Variants in ELAPOR1 observed in about 807,000 individuals in gnomAD.
ELAPOR1 encodes endosome/lysosome-associated apoptosis and autophagy regulator 1.
Under a neutral mutation model 119.7 loss-of-function variants are expected in ELAPOR1, and 77 were observed. The ratio of observed to expected loss-of-function variants is 0.64; its 90% CI spans 0.54 to 0.78. The LOEUF is 0.78. Among genes scored for constraint, ELAPOR1 ranks in the 30% least tolerant of loss-of-function variants. The pLI is 0.00. For missense variants in ELAPOR1, 1,115 were observed against 1,270.4 expected (o/e 0.88, Z 1.86); for synonymous variants, 481 against 487.2 (o/e 0.99, Z 0.17).
intron 1 of ELAPOR1, 26 bp from the exon 2 acceptor site, chr1:109,161,868 T>C: frequency 6.3e-7 from 1 of 1,592,624 alleles, no homozygotes; most frequent in Non-Finnish European, 8.6e-7. Flanking sequence ...TAATGCACAT[T>C]TCGCCCACTG....
chr1:109,175,285 C>A (rs532606157), intron 7 of ELAPOR1, among the ~76,000 whole-genome samples: 1 of 151,776 alleles, frequency 6.6e-6, no homozygotes, highest in African/African-American at 2.4e-5. Flanking sequence ...TCACCACAAC[C>A]TCTGCCTCCC....
At chr1:109,183,408 AT>A (rs557758142) in intron 7 of ELAPOR1, among the ~76,000 whole-genome samples, 4 of 152,196 alleles carry the variant, frequency 2.6e-5, no homozygotes, top group South Asian at 2.1e-4. Flanking sequence ...AATGAAAAAA[AT>A]AAAATTAAAA....
At position 109,171,855 on chromosome 1, in the gene ELAPOR1, T is replaced by A. The variant is rs776009425; in HGVS notation, c.468-11T>A. 3 of 1,614,066 alleles carry A rather than the reference T, an allele frequency of 1.9e-6. No individual in the cohort carries two copies. Among genetic ancestry groups the A allele is most frequent in the Non-Finnish European group, 2.5e-6 (3 of 1,179,956 alleles). ...CTCCTGCCTGTGAACCTGGTTCCTG[T>A]TCCTTCACAGGTCCAAGTGGGTTCC... On this transcript the variant is annotated splice_polypyrimidine_tract_variant and intron_variant, in intron 3 of 21. Coordinates refer to ENST00000369939, the MANE Select transcript of ELAPOR1 (RefSeq NM_020775.5).
At chr1:109,163,815 T>C (rs1010937248) in intron 2 of ELAPOR1, among the ~76,000 whole-genome samples, 2 of 152,128 alleles carry the variant, frequency 1.3e-5, no homozygotes, top group Non-Finnish European at 2.9e-5. Context: ...CCACCTAGCA[T>C]GGTGGCAGTA....
intron 1 of ELAPOR1, among the ~76,000 whole-genome samples, chr1:109,136,342 T>C (rs972485269): frequency 1.3e-5 from 2 of 152,196 alleles, no homozygotes; most frequent in African/African-American, 2.4e-5. Context: ...GTTGGAGTTA[T>C]GCTGCCACAA....
intron 7 of ELAPOR1, among the ~76,000 whole-genome samples, chr1:109,177,426 A>G (rs1446923105): frequency 2.4e-5 from 3 of 126,550 alleles, no homozygotes; most frequent in East Asian, 5.0e-4. Flanking sequence ...ACGGGGCGGC[A>G]GGGCAGAGGT....
chr1:109,127,796 TCAGGTCATCCTCC>T (rs755915653), intron 1 of ELAPOR1, among the ~76,000 whole-genome samples: 7 of 151,732 alleles, frequency 4.6e-5, no homozygotes, highest in Non-Finnish European at 8.8e-5. Flanking sequence ...ACTCCTGGGC[TCAGGTCATCCTCC>T]CACCTTGGCC....
Position 109,197,516 on chromosome 1 carries a change from C to T in ELAPOR1, c.2164C>T (p.Arg722Trp), listed in dbSNP as rs143231441. The T allele has an allele frequency of 3.3e-4, 533 of 1,614,130 alleles. No homozygotes were observed. The African/African-American group carries it at 6.3e-3, about 19-fold the overall frequency. ...SVCTDNVTDL[R>W]IPEGESGFSK... is the part of the protein sequence containing the mutation. Reference sequence around the variant, plus strand: ...GTGCACCGACAATGTCACTGACCTCCGGATTCCTGAGGGTGAGTCAGGGTT... The same window carrying T: ...GTGCACCGACAATGTCACTGACCTCTGGATTCCTGAGGGTGAGTCAGGGTT... Residue 722 changes from arginine (R) to tryptophan (W), a missense_variant, in exon 16 of 22, where the codon CGG becomes TGG. Coordinates refer to ENST00000369939, the MANE Select transcript of ELAPOR1 (RefSeq NM_020775.5).
At position 109,137,882 on chromosome 1, in the gene ELAPOR1, T is replaced by C. The variant is rs1180781720; in HGVS notation, c.153+23546T>C. Among the ~76,000 whole-genome samples the C allele has an allele frequency of 2.6e-5, 4 of 152,214 alleles. No homozygotes were observed. The East Asian group carries it at 5.8e-4, about 22-fold the overall frequency. On this transcript the variant is annotated intron_variant, in intron 1 of 21. Coordinates refer to ENST00000369939, the MANE Select transcript of ELAPOR1 (RefSeq NM_020775.5). ...CACATAGTAATCAATCCAAAAAGTA[T>C]AAAGGGACACAAGAAAGATCTTCAT...
At position 109,203,272 on chromosome 1, in the gene ELAPOR1, G is replaced by A. The variant is rs547871188; in HGVS notation, c.*260G>A. On this transcript the variant is annotated 3_prime_UTR_variant, in exon 22 of 22. Transcript: ENST00000369939. ...TCTTGTTTCCCAAAATGGCCCATCC[G>A]CCAGAGCCATAGCTTCGTCTGCTCA... 6.4e-6 allele frequency: 3 copies of A among 470,922 alleles called. No homozygotes were observed. Among genetic ancestry groups the A allele is most frequent in the Non-Finnish European group, 1.1e-5 (3 of 264,486 alleles). 29.2% of individuals were successfully genotyped at this position (470,922 alleles called of 1,614,324 possible).
intron 5 of ELAPOR1, 79 bp from the exon 6 acceptor site, chr1:109,173,395 A>G: frequency 8.5e-7 from 1 of 1,173,084 alleles, no homozygotes; most frequent in Non-Finnish European, 1.3e-6. Context: ...AAGAGAAGTC[A>G]TCCCAACAAG....
At chr1:109,165,542 C>T (rs538614479) in intron 3 of ELAPOR1, among the ~76,000 whole-genome samples, 42 of 150,390 alleles carry the variant, frequency 2.8e-4, no homozygotes, top group Non-Finnish European at 5.2e-4. Flanking sequence ...TGAGATCGCA[C>T]CATTGCACTC....
chr1:109,196,083 G>A (rs1157749755), intron 15 of ELAPOR1, among the ~76,000 whole-genome samples: 1 of 152,024 alleles, frequency 6.6e-6, no homozygotes, highest in Non-Finnish European at 1.5e-5. Context: ...TTGAACCCAG[G>A]GGGCGGAGAT....
intron 16 of ELAPOR1, 97 bp downstream of exon 16, chr1:109,197,751 TA>T (rs1653919141): frequency 2.2e-6 from 3 of 1,338,292 alleles, no homozygotes; most frequent in Admixed American, 4.8e-5. Flanking sequence ...GTCTGGGAGG[TA>T]AAAGGCCCCA....
At chr1:109,174,702 G>A (rs1444830032) in intron 7 of ELAPOR1, among the ~76,000 whole-genome samples, 2 of 151,786 alleles carry the variant, frequency 1.3e-5, no homozygotes, top group Non-Finnish European at 2.9e-5. Flanking sequence ...GATTAGGGAA[G>A]CTAAGGAAAG....
At chr1:109,122,983 A>G (rs867284275) in intron 1 of ELAPOR1, among the ~76,000 whole-genome samples, 2 of 152,156 alleles carry the variant, frequency 1.3e-5, no homozygotes, top group Non-Finnish European at 2.9e-5. Context: ...CTGTATAACA[A>G]TCCACCCTGA....
At position 109,203,116 on chromosome 1, in the gene ELAPOR1, C is replaced by T; in HGVS notation, c.*104C>T. The T allele has an allele frequency of 1.3e-6, 1 of 744,370 alleles. No homozygotes were observed. Among genetic ancestry groups the T allele is most frequent in the Non-Finnish European group, 2.4e-6 (1 of 424,944 alleles). 46.1% of individuals were successfully genotyped at this position (744,370 alleles called of 1,614,324 possible). A position where few individuals can be genotyped will look rare whatever the true frequency, so the allele number is the denominator to read the frequency against. ...CTGCAACACCCACTGCTGGAAATCT[C>T]TTCATTGTGGCCTTATCAGATGTTT... On this transcript the variant is annotated 3_prime_UTR_variant, in exon 22 of 22. Coordinates refer to ENST00000369939, the MANE Select transcript of ELAPOR1 (RefSeq NM_020775.5).
intron 1 of ELAPOR1, among the ~76,000 whole-genome samples, chr1:109,145,277 GA>G (rs985871494): frequency 6.6e-6 from 1 of 151,786 alleles, no homozygotes; most frequent in Non-Finnish European, 1.5e-5. Context: ...CTAGAACGGT[GA>G]AAAAAAATAC....
intron 3 of ELAPOR1, among the ~76,000 whole-genome samples, chr1:109,167,913 C>T (rs1308874905): frequency 6.6e-6 from 1 of 152,166 alleles, no homozygotes; most frequent in Non-Finnish European, 1.5e-5. Flanking sequence ...CCAGCCTCAT[C>T]TCCTTAAATC....
Sources: allele counts gnomAD v4.1 joint callset (sites outside exome capture counted in the v4.1 genomes callset), GRCh38; gene constraint gnomAD v4.1.1; transcripts MANE v1.5; gene names NCBI Gene and HGNC (gene_info 2026-07-23, HGNC 2026-07-21).